KCNK5: variants seen among roughly 807,000 people sequenced by gnomAD.
KCNK5 encodes the protein potassium two pore domain channel subfamily K member 5, also known as potassium channel subfamily K member 5.
KCNK5 carries 18 observed loss-of-function variants against 32.9 expected under a neutral mutation model. The observed-to-expected ratio is 0.55, with a 90% confidence interval of 0.38 to 0.81. The LOEUF (loss-of-function observed/expected upper bound fraction) is 0.81, where lower values mean the gene tolerates loss of function less well. Ranked by LOEUF, KCNK5 falls within the 30% of genes least tolerant of loss-of-function variation. The probability of loss-of-function intolerance (pLI) is 0.00; values close to 1 mark genes in which losing one functional copy is unlikely to be tolerated. For synonymous variants in KCNK5, 276 were observed against 275.3 expected (o/e 1.00, Z -0.03); for missense variants, 507 against 651.0 (o/e 0.78, Z 2.41).
At chr6:39,206,226 C>G (rs1181409971) in intron 1 of KCNK5, among the ~76,000 whole-genome samples, 1 of 152,236 alleles carries the variant, frequency 6.6e-6, no homozygotes, top group Non-Finnish European at 1.5e-5. Flanking sequence ...CTGAGAAACA[C>G]CAACCAAAGC....
At chr6:39,209,935 G>T (rs1046820361) in intron 1 of KCNK5, among the ~76,000 whole-genome samples, 3 of 152,202 alleles carry the variant, frequency 2.0e-5, no homozygotes, top group Non-Finnish European at 4.4e-5. Flanking sequence ...CAAAAGGCTC[G>T]ATAGAGAGCA....
intron 1 of KCNK5, among the ~76,000 whole-genome samples, chr6:39,201,209 C>T (rs1771127720): frequency 6.6e-6 from 1 of 151,780 alleles, no homozygotes; most frequent in Admixed American, 6.6e-5. Flanking sequence ...GTTCATGGGC[C>T]AACCCTCCTT....
rs578087782 is a variant in KCNK5 at position 39,191,917 on chromosome 6, T to G, written c.635-162A>C. On this transcript the variant is annotated intron_variant, in intron 4 of 4. Transcript: ENST00000359534. The surrounding 1 kb of genome is among the most constrained non-coding windows in gnomAD (Gnocchi z 5.8). ...TTCTAGACCCTGGACTATCCCATCT[T>G]CCTCAAGGGCTTGGGCCTGCCATCA... Among the ~76,000 whole-genome samples, 208 of 152,162 alleles carry G rather than the reference T, an allele frequency of 1.4e-3. No homozygotes were observed. The highest frequency in any genetic ancestry group is 2.5e-3 in the Non-Finnish European group (168 of 68,014).
At chr6:39,213,982 C>T (rs919991727) in intron 1 of KCNK5, among the ~76,000 whole-genome samples, 3 of 151,792 alleles carry the variant, frequency 2.0e-5, no homozygotes, top group African/African-American at 7.3e-5. Context: ...GCCGAGATCG[C>T]ACCACTGCAC....
Position 39,191,226 on chromosome 6 carries a change from G to T in KCNK5, c.1164C>A (p.Pro388=), listed in dbSNP as rs41273122. 3.5e-5 allele frequency: 56 copies of T among 1,614,016 alleles called. 1 individual carries two copies. The South Asian group carries it at 5.8e-4, about 17-fold the overall frequency. The change falls in exon 5 of 5, where the codon CCC becomes CCA. Residue 388 remains proline, a synonymous_variant. Coordinates refer to ENST00000359534, the MANE Select transcript of KCNK5 (RefSeq NM_003740.4). The surrounding 1 kb of genome is among the most constrained non-coding windows in gnomAD (Gnocchi z 5.8). ...ARAPEDSSPA[P]EVFMNQLDRI... ...GGTCCAGCTGGTTCATGAACACCTC[G>T]GGGGCAGGGGAGCTGTCTTCAGGGG... is the stretch of plus-strand genomic sequence containing the variant.
rs1206065546 is a variant in KCNK5 at position 39,194,563 on chromosome 6, C to G, written c.465+31G>C. The G allele has an allele frequency of 6.2e-7, 1 of 1,611,282 alleles. No homozygotes were observed. The highest frequency in any genetic ancestry group is 1.3e-5 in the African/African-American group (1 of 74,864). ...CCCTCACCTGTCATGGTTCCCCCAT[C>G]TCTGCCCAACACCCAGGGTAGGGGA... On this transcript the variant is annotated intron_variant, in intron 3 of 4. Transcript: ENST00000359534. The surrounding 1 kb of genome is among the most constrained non-coding windows in gnomAD (Gnocchi z 4.7).
In KCNK5 at chr6:39,194,379, T is replaced by A. The variant is rs1422181547; in HGVS notation, c.466-42A>T. ...GGCCAAGTCAGAGAATAGTGGAGAC[T>A]TGGAAACCCAGCAAAGGCACCCAGA... is the stretch of plus-strand genomic sequence containing the variant. On this transcript the variant is annotated intron_variant, in intron 3 of 4. Coordinates refer to ENST00000359534, the MANE Select transcript of KCNK5 (RefSeq NM_003740.4). The surrounding 1 kb of genome is among the most constrained non-coding windows in gnomAD (Gnocchi z 4.7). 22 of 1,559,492 alleles carry A rather than the reference T, an allele frequency of 1.4e-5. No individual in the cohort carries two copies. The highest frequency in any genetic ancestry group is 1.9e-5 in the Non-Finnish European group (22 of 1,152,458).
chr6:39,191,435 C>A lies in KCNK5; in HGVS notation c.955G>T (p.Gly319Trp), dbSNP rs201400571. The A allele has an allele frequency of 1.2e-6, 2 of 1,613,322 alleles. No individual in the cohort carries two copies. The highest frequency in any genetic ancestry group is 1.7e-6 in the Non-Finnish European group (2 of 1,179,944). Residue 319 changes from glycine (G) to tryptophan (W), a missense_variant, in exon 5 of 5, where the codon GGG becomes TGG. Gly to Trp is a radical substitution (Grantham distance 184). This residue lies in a region of KCNK5 where 252 missense variants were observed against 250.8 expected (regional missense o/e 1.00). Coordinates refer to ENST00000359534, the MANE Select transcript of KCNK5 (RefSeq NM_003740.4). This position sits in a 1 kb window ranked among gnomAD's most constrained non-coding sequence, Gnocchi z 5.8. The stretch of plus-strand genomic sequence containing the variant: ...AGCCCTGGGCCCGGGCCCGTCTCCC[C>A]ACCCCCGCTTGTCTTCATGGCCTTC... The part of the protein sequence containing the change: ...GKKAMKTSGG[G>W]ETGPGPGLGP...
At chr6:39,199,125 A>G (rs2113782549) in intron 1 of KCNK5, among the ~76,000 whole-genome samples, 1 of 152,300 alleles carries the variant, frequency 6.6e-6, no homozygotes, top group Non-Finnish European at 1.5e-5. Flanking sequence ...TCTGGCATTG[A>G]GAAGGCAAGG....
intron 1 of KCNK5, among the ~76,000 whole-genome samples, chr6:39,201,023 C>G: frequency 6.6e-6 from 1 of 152,200 alleles, no homozygotes; most frequent in Non-Finnish European, 1.5e-5. Context: ...AGCTATCTGG[C>G]ACCCATAGAG....
intron 1 of KCNK5, among the ~76,000 whole-genome samples, chr6:39,203,901 A>C (rs1259404494): frequency 6.6e-6 from 1 of 152,150 alleles, no homozygotes; most frequent in East Asian, 1.9e-4. Flanking sequence ...GAGAGAAGGA[A>C]TTCTTGGTAT....
chr6:39,192,386 AC>A (rs1014508519), intron 4 of KCNK5, among the ~76,000 whole-genome samples: 1 of 151,942 alleles, frequency 6.6e-6, no homozygotes, highest in Non-Finnish European at 1.5e-5. Context: ...AGGTCAAGAA[AC>A]AGTTCATGAG....
chr6:39,227,772 C>G (rs1771701380), intron 1 of KCNK5, among the ~76,000 whole-genome samples: 2 of 152,144 alleles, frequency 1.3e-5, no homozygotes, highest in Admixed American at 1.3e-4. Flanking sequence ...CCGTTTCTCA[C>G]ATGGGGAAAC....
chr6:39,219,550 T>C (rs778431305), intron 1 of KCNK5, among the ~76,000 whole-genome samples: 2 of 151,946 alleles, frequency 1.3e-5, no homozygotes, highest in African/African-American at 2.4e-5. Flanking sequence ...AAAATAATAA[T>C]AATAAAAATA....
At chr6:39,206,305 C>A (rs987119968) in intron 1 of KCNK5, among the ~76,000 whole-genome samples, 3 of 152,328 alleles carry the variant, frequency 2.0e-5, no homozygotes, top group Admixed American at 2.0e-4. Context: ...TGCGGTCATA[C>A]CCACGGATCT....
intron 1 of KCNK5, among the ~76,000 whole-genome samples, chr6:39,217,280 A>C (rs1487424156): frequency 6.6e-6 from 1 of 151,620 alleles, no homozygotes; most frequent in Non-Finnish European, 1.5e-5. Flanking sequence ...GAAAGGCGAG[A>C]TCACACAAGC....
At chr6:39,197,446 G>A (rs1351843844) in intron 1 of KCNK5, among the ~76,000 whole-genome samples, 1 of 152,202 alleles carries the variant, frequency 6.6e-6, no homozygotes, top group Non-Finnish European at 1.5e-5. Context: ...CCGAGGCTAC[G>A]AAGGCTGTGC....
At chr6:39,225,169 T>C (rs750577959) in intron 1 of KCNK5, among the ~76,000 whole-genome samples, 41 of 152,178 alleles carry the variant, frequency 2.7e-4, no homozygotes, top group Non-Finnish European at 4.3e-4. Flanking sequence ...TGTATCCTTT[T>C]CTCCAGCAGC....
At position 39,194,383 on chromosome 6, in the gene KCNK5, A is replaced by C; in HGVS notation, c.466-46T>G. On this transcript the variant is annotated intron_variant, in intron 3 of 4. Transcript: ENST00000359534. This position sits in a 1 kb window ranked among gnomAD's most constrained non-coding sequence, Gnocchi z 4.7. ...AAGTCAGAGAATAGTGGAGACTTGGAAACCCAGCAAAGGCACCCAGAGGGC... is the reference window on the plus strand; with the variant it reads ...AAGTCAGAGAATAGTGGAGACTTGGCAACCCAGCAAAGGCACCCAGAGGGC... 1 of 1,555,952 alleles carries C rather than the reference A, an allele frequency of 6.4e-7. No individual in the cohort carries two copies.
Sources: gnomAD v4.1 joint callset for allele counts (sites outside exome capture counted in the v4.1 genomes callset) on GRCh38, gnomAD v4.1.1 for gene constraint, gnomAD v4.1.1 regional missense constraint, Gnocchi (gnomAD v3.1) non-coding constraint, MANE v1.5 for transcripts, NCBI Gene and HGNC (gene_info 2026-07-23, HGNC 2026-07-21) for gene names.